Variants in MAGI2 observed in about 807,000 individuals in gnomAD.
The protein encoded by MAGI2 is membrane-associated guanylate kinase, WW and PDZ domain-containing protein 2.
In MAGI2, 35 loss-of-function variants were observed where a neutral mutation model predicts 133.3. That is an observed-to-expected ratio of 0.26 (90% confidence interval 0.20 to 0.35). The LOEUF (loss-of-function observed/expected upper bound fraction) is 0.35, where lower values mean the gene tolerates loss of function less well. Among genes scored for constraint, MAGI2 ranks in the 10% least tolerant of loss-of-function variants. The pLI is 1.00. For missense variants in MAGI2, 1,636 were observed against 1,863.4 expected (o/e 0.88, Z 2.25); for synonymous variants, 729 against 710.6 (o/e 1.03, Z -0.41).
At chr7:79,389,728 T>A (rs1844460004) in intron 1 of MAGI2, among the ~76,000 whole-genome samples, 2 of 149,352 alleles carry the variant, frequency 1.3e-5, no homozygotes, top group South Asian at 4.1e-4. Context: ...ATAAAAGGAA[T>A]CCTAGTGTAT....
chr7:78,488,661 TA>T (rs1372045073), intron 6 of MAGI2, among the ~76,000 whole-genome samples: 18 of 152,164 alleles, frequency 1.2e-4, no homozygotes, highest in African/African-American at 4.1e-4. Context: ...AAGGTACAGA[TA>T]TGGCTATGAA....
intron 1 of MAGI2, among the ~76,000 whole-genome samples, chr7:79,305,262 T>C (rs1048448210): frequency 5.9e-5 from 9 of 152,186 alleles, no homozygotes; most frequent in African/African-American, 1.9e-4. Context: ...TATATATGTA[T>C]ATAGTTTTCA....
chr7:78,741,376 AACAC>A (rs55784786), intron 2 of MAGI2, among the ~76,000 whole-genome samples: 7,643 of 117,350 alleles, frequency 0.065, 306 homozygotes, highest in Admixed American at 0.12. Context: ...AAAAAGTTGA[AACAC>A]ACACACACAC....
intron 1 of MAGI2, among the ~76,000 whole-genome samples, chr7:79,325,967 G>A (rs1453036698): frequency 1.3e-5 from 2 of 152,168 alleles, no homozygotes; most frequent in South Asian, 2.1e-4. Context: ...ACTTCAACTC[G>A]TGAACATTTG....
At chr7:78,555,434 T>A (rs1018519911) in intron 3 of MAGI2, among the ~76,000 whole-genome samples, 1 of 152,078 alleles carries the variant, frequency 6.6e-6, no homozygotes, top group African/African-American at 2.4e-5. Context: ...ATGAGATATA[T>A]GGACACATAT....
In MAGI2 at chr7:78,209,497, A is replaced by G. The variant is rs370245874; in HGVS notation, c.2048-8304T>C. ...AGGATGGTCTTGATCTCCTGACCTCATGATCTGCCCACCATGGCTTCCCAA... is the reference window on the plus strand; with the variant it reads ...AGGATGGTCTTGATCTCCTGACCTCGTGATCTGCCCACCATGGCTTCCCAA... On this transcript the variant is annotated intron_variant, in intron 10 of 21. Coordinates refer to ENST00000354212, the MANE Select transcript of MAGI2 (RefSeq NM_012301.4). 2.0e-4 allele frequency among the ~76,000 whole-genome samples: 31 copies of G among 151,686 alleles called. 1 individual carries two copies. Among genetic ancestry groups the G allele is most frequent in the Admixed American group, 7.2e-4 (11 of 15,230 alleles).
intron 9 of MAGI2, among the ~76,000 whole-genome samples, chr7:78,319,805 CAA>C (rs1311482880): frequency 6.6e-6 from 1 of 151,976 alleles, no homozygotes. Flanking sequence ...GATAGAAACA[CAA>C]AAAACCCTTC....
At chr7:78,692,294 T>C (rs1207239341) in intron 2 of MAGI2, among the ~76,000 whole-genome samples, 1 of 152,094 alleles carries the variant, frequency 6.6e-6, no homozygotes, top group Admixed American at 6.6e-5. Context: ...AAGAAGAGAC[T>C]GAATGGTATT....
intron 2 of MAGI2, among the ~76,000 whole-genome samples, chr7:78,662,241 C>G (rs1329682631): frequency 6.6e-6 from 1 of 152,136 alleles, no homozygotes; most frequent in African/African-American, 2.4e-5. Context: ...GGTGACAGGG[C>G]AAGATATTAG....
intron 2 of MAGI2, among the ~76,000 whole-genome samples, chr7:78,824,738 T>G (rs1295245710): frequency 6.6e-6 from 1 of 152,210 alleles, no homozygotes; most frequent in East Asian, 1.9e-4. Flanking sequence ...TTCACACTGC[T>G]GTTAGTTTCT....
intron 1 of MAGI2, chr7:79,010,834 T>G (rs972534663): frequency 6.6e-6 from 1 of 152,258 alleles, no homozygotes; most frequent in African/African-American, 2.4e-5. Context: ...ATTAAATGCC[T>G]TCTGAAGTGA....
intron 2 of MAGI2, among the ~76,000 whole-genome samples, chr7:78,890,077 C>T (rs940671644): frequency 6.6e-6 from 1 of 152,096 alleles, no homozygotes; most frequent in Non-Finnish European, 1.5e-5. Flanking sequence ...GGTTGCAATC[C>T]TAATCTCTGA....
chr7:78,501,857 C>A, intron 4 of MAGI2, 70 bp from the exon 5 acceptor site: 1 of 1,133,754 alleles, frequency 8.8e-7, no homozygotes, highest in Non-Finnish European at 1.3e-6. Context: ...ATGGAGAATG[C>A]TGTACCAGGG....
At chr7:78,168,638 A>C (rs1217772780) in intron 14 of MAGI2, among the ~76,000 whole-genome samples, 1 of 152,230 alleles carries the variant, frequency 6.6e-6, no homozygotes, top group Non-Finnish European at 1.5e-5. Flanking sequence ...CTTCACTTGC[A>C]AAATAAGAAA....
intron 1 of MAGI2, chr7:79,351,860 A>T (rs1034648128): frequency 1.6e-4 from 25 of 152,214 alleles, no homozygotes; most frequent in Admixed American, 1.2e-3. Context: ...GTGAGTGATT[A>T]AAAATGTCCA....
intron 3 of MAGI2, among the ~76,000 whole-genome samples, chr7:78,619,210 C>T (rs1316749295): frequency 6.6e-6 from 1 of 151,506 alleles, no homozygotes; most frequent in Non-Finnish European, 1.5e-5. Flanking sequence ...AAAAAAGTCA[C>T]TAGGAGATGT....
intron 20 of MAGI2, among the ~76,000 whole-genome samples, chr7:78,084,533 C>T (rs955392454): frequency 2.6e-5 from 4 of 152,216 alleles, no homozygotes; most frequent in African/African-American, 9.7e-5. Context: ...TCTTGAAATA[C>T]TGCCTTACGC....
chr7:78,973,268 C>T (rs1170980070), intron 2 of MAGI2, among the ~76,000 whole-genome samples: 1 of 151,802 alleles, frequency 6.6e-6, no homozygotes, highest in Non-Finnish European at 1.5e-5. Context: ...TCTGTATGTC[C>T]TTCTAGGTAT....
At chr7:79,340,805 A>G (rs141387487) in intron 1 of MAGI2, among the ~76,000 whole-genome samples, 19 of 152,164 alleles carry the variant, frequency 1.2e-4, no homozygotes, top group South Asian at 2.1e-4. Context: ...ATAACTCAAT[A>G]AATCTAGTCT....
Sources: allele counts gnomAD v4.1 joint callset (sites outside exome capture counted in the v4.1 genomes callset), GRCh38; gene constraint gnomAD v4.1.1; transcripts MANE v1.5; gene names NCBI Gene and HGNC (gene_info 2026-07-23, HGNC 2026-07-21).